PLS1: variants seen among roughly 807,000 people sequenced by gnomAD.
PLS1 encodes the protein plastin 1.
Under a neutral mutation model 73.7 loss-of-function variants are expected in PLS1, and 32 were observed. The observed-to-expected ratio is 0.43, with a 90% CI of 0.33 to 0.58. PLS1 has a LOEUF of 0.58. Among genes scored for constraint, PLS1 ranks in the 20% least tolerant of loss-of-function variants. The pLI, the probability that PLS1 is intolerant of heterozygous loss-of-function variation, is 0.04. For missense variants in PLS1, 633 were observed against 740.5 expected (o/e 0.85, Z 1.68); for synonymous variants, 217 against 261.3 (o/e 0.83, Z 1.63).
chr3:142,663,911 C>T (rs780844665), intron 1 of PLS1, among the ~76,000 whole-genome samples: 2 of 152,078 alleles, frequency 1.3e-5, no homozygotes, highest in Non-Finnish European at 1.5e-5. Context: ...TTCTTGAAAT[C>T]GTGGGGTAAA....
chr3:142,660,587 C>T (rs961107087), intron 1 of PLS1, among the ~76,000 whole-genome samples: 7 of 152,122 alleles, frequency 4.6e-5, no homozygotes, highest in Non-Finnish European at 8.8e-5. Flanking sequence ...AGTATCATAC[C>T]GCTCTCTGCT....
intron 6 of PLS1, among the ~76,000 whole-genome samples, chr3:142,681,283 AG>A (rs1472613458): frequency 6.6e-6 from 1 of 152,086 alleles, no homozygotes; most frequent in African/African-American, 2.4e-5. Flanking sequence ...GACCAAAAAA[AG>A]GTCATGTATA....
chr3:142,697,465 T>C lies in PLS1; in HGVS notation c.1257-488T>C, dbSNP rs573451937. Among the ~76,000 whole-genome samples the C allele has an allele frequency of 7.9e-5, 12 of 152,310 alleles. No individual in the cohort carries two copies. The East Asian group carries it at 2.1e-3, about 27-fold the overall frequency. ...TTTCCTGACCTCTTTCTTTACCTAA[T>C]AGAGGTAATTGCTATTAACTGTCCT... On this transcript the variant is annotated intron_variant, in intron 11 of 15. Coordinates refer to ENST00000457734, the MANE Select transcript of PLS1 (RefSeq NM_001145319.2).
chr3:142,642,842 C>A (rs1260546361), intron 1 of PLS1, among the ~76,000 whole-genome samples: 2 of 152,280 alleles, frequency 1.3e-5, no homozygotes, highest in South Asian at 4.2e-4. Context: ...AGGGAAGCAC[C>A]ATCACACTGG....
At chr3:142,704,618 TG>T (rs752649112) in intron 14 of PLS1, 32 bp downstream of exon 14, 1 of 1,380,708 alleles carries the variant, frequency 7.2e-7, no homozygotes, top group Non-Finnish European at 9.9e-7. Flanking sequence ...AATTTTTTTT[TG>T]TAGGTATAGG....
chr3:142,630,574 A>C (rs1377010969), intron 1 of PLS1, among the ~76,000 whole-genome samples: 1 of 151,916 alleles, frequency 6.6e-6, no homozygotes. Flanking sequence ...AACATGGTGA[A>C]ACTCCATCTC....
intron 1 of PLS1, among the ~76,000 whole-genome samples, chr3:142,663,159 G>A (rs2037407289): frequency 1.3e-5 from 2 of 152,072 alleles, no homozygotes; most frequent in South Asian, 2.1e-4. Context: ...AGGTTGCAGT[G>A]AGCTGAGATC....
intron 10 of PLS1, among the ~76,000 whole-genome samples, chr3:142,690,743 C>G (rs2038068691): frequency 6.6e-6 from 1 of 152,148 alleles, no homozygotes. Context: ...CTCATTGAAG[C>G]TTACAGTATA....
At chr3:142,614,246 A>G (rs2036173739) in intron 1 of PLS1, among the ~76,000 whole-genome samples, 2 of 152,236 alleles carry the variant, frequency 1.3e-5, no homozygotes, top group South Asian at 2.1e-4. Flanking sequence ...CAACAGCACC[A>G]TACCATATAA....
At chr3:142,631,972 G>C (rs1258129087) in intron 1 of PLS1, among the ~76,000 whole-genome samples, 2 of 152,142 alleles carry the variant, frequency 1.3e-5, no homozygotes, top group African/African-American at 4.8e-5. Flanking sequence ...TCATATGACT[G>C]ATAAGAGGAT....
At chr3:142,683,572 T>A (rs898937132) in intron 6 of PLS1, among the ~76,000 whole-genome samples, 1 of 152,238 alleles carries the variant, frequency 6.6e-6, no homozygotes, top group Non-Finnish European at 1.5e-5. Context: ...CTTTCCACTG[T>A]GGAAACTGTC....
rs2038398906 is a variant in PLS1 at position 142,704,132 on chromosome 3, A to G, written c.1505+131A>G. On this transcript the variant is annotated intron_variant, in intron 13 of 15. Coordinates refer to ENST00000457734, the MANE Select transcript of PLS1 (RefSeq NM_001145319.2). ...CAATGCAAAATATTTTAATTTTTAAAGGATTTACTGTTGATTATGGTTTTT... is the reference window on the plus strand; with the variant it reads ...CAATGCAAAATATTTTAATTTTTAAGGGATTTACTGTTGATTATGGTTTTT... The G allele has an allele frequency of 5.8e-6, 4 of 687,580 alleles. No homozygotes were observed. In the Admixed American group the frequency reaches 1.0e-4, roughly 17 times the overall value. 42.6% of individuals were successfully genotyped at this position (687,580 alleles called of 1,614,324 possible).
intron 1 of PLS1, among the ~76,000 whole-genome samples, chr3:142,632,300 G>T (rs1222092538): frequency 6.6e-6 from 1 of 152,062 alleles, no homozygotes; most frequent in Non-Finnish European, 1.5e-5. Flanking sequence ...TTCATCATCA[G>T]GATATAACAT....
rs1204662642 is a variant in PLS1 at position 142,698,022 on chromosome 3, T to A, written c.1326T>A (p.His442Gln). The A allele has an allele frequency of 6.2e-7, 1 of 1,613,178 alleles. No homozygotes were observed. Among genetic ancestry groups the A allele is most frequent in the Admixed American group, 1.7e-5 (1 of 60,016 alleles). The change falls in exon 12 of 16, where the codon CAT becomes CAA. Residue 442 changes from histidine (H) to glutamine (Q), a missense_variant. Physicochemically the swap from His to Gln is conservative, Grantham distance 24 (BLOSUM62 0). Transcript: ENST00000457734. ...TCCGAGTGCCAGTCAACTGGAGCCA[T>A]GTCAACAAACCTCCTTATCCTGCCC... ...EMIRVPVNWS[H>Q]VNKPPYPALG...
At chr3:142,609,585 C>T (rs1008144061) in intron 1 of PLS1, among the ~76,000 whole-genome samples, 1 of 152,220 alleles carries the variant, frequency 6.6e-6, no homozygotes, top group African/African-American at 2.4e-5. Context: ...ATGTCTTTTG[C>T]ATCCCTGGTT....
intron 10 of PLS1, among the ~76,000 whole-genome samples, chr3:142,693,972 A>T (rs1410357189): frequency 6.6e-6 from 1 of 151,666 alleles, no homozygotes; most frequent in Non-Finnish European, 1.5e-5. Flanking sequence ...TCTGCCCTTC[A>T]TTGTGTGGTG....
chr3:142,639,649 C>T (rs1213289391), intron 1 of PLS1, among the ~76,000 whole-genome samples: 3 of 152,084 alleles, frequency 2.0e-5, no homozygotes, highest in Non-Finnish European at 2.9e-5. Context: ...TGCTGTTTAG[C>T]TTACTAATTT....
At chr3:142,606,276 G>T (rs1290367849) in intron 1 of PLS1, among the ~76,000 whole-genome samples, 2 of 152,132 alleles carry the variant, frequency 1.3e-5, no homozygotes, top group Non-Finnish European at 2.9e-5. Context: ...ACTTCTTTAT[G>T]CACAGTTTTT....
intron 1 of PLS1, among the ~76,000 whole-genome samples, chr3:142,602,564 G>T (rs1222217618): frequency 1.3e-5 from 2 of 152,044 alleles, no homozygotes; most frequent in Non-Finnish European, 2.9e-5. Flanking sequence ...GGATACCTCA[G>T]GAAAGGCCCC....
Sources: allele counts gnomAD v4.1 joint callset (sites outside exome capture counted in the v4.1 genomes callset), GRCh38; gene constraint gnomAD v4.1.1; transcripts MANE v1.5; gene names NCBI Gene and HGNC (gene_info 2026-07-23, HGNC 2026-07-21).